CCDC152: variants seen among roughly 807,000 people sequenced by gnomAD.
CCDC152 encodes coiled-coil domain-containing protein 152.
Under a neutral mutation model 38.1 loss-of-function variants are expected in CCDC152, and 37 were observed. That is an observed-to-expected ratio of 0.97 (90% CI 0.75 to 1.28). The LOEUF is 1.28. Ranked by LOEUF, CCDC152 falls within the 50% of genes most tolerant of loss-of-function variation. The pLI is 0.00. For missense variants in CCDC152, 259 were observed against 292.1 expected, an observed-to-expected ratio of 0.89 and a Z score of 0.83; for synonymous variants, 83 against 87.1, an observed-to-expected ratio of 0.95 and a Z score of 0.26.
chr5:42,785,575 G>A lies in CCDC152; in HGVS notation c.430+1999G>A, dbSNP rs138281515. Among the ~76,000 whole-genome samples the A allele has an allele frequency of 2.5e-3, 377 of 152,086 alleles. 5 individuals are homozygous for A. Among genetic ancestry groups the A allele is most frequent in the South Asian group, 3.1e-3 (15 of 4,818 alleles). On this transcript the variant is annotated intron_variant, in intron 6 of 8. Transcript: ENST00000361970. ...GTAGAATCATATTATCAGCAAACAG[G>A]TAAAATTGGACTTCCCCTTTTCCAA...
chr5:42,782,414 T>TA (rs1191219428), intron 5 of CCDC152, among the ~76,000 whole-genome samples: 1 of 152,260 alleles, frequency 6.6e-6, no homozygotes, highest in East Asian at 1.9e-4. Flanking sequence ...AAAGCAAAGA[T>TA]AAAAAAAGAC....
At chr5:42,770,605 G>A (rs1166747972) in intron 4 of CCDC152, among the ~76,000 whole-genome samples, 1 of 151,998 alleles carries the variant, frequency 6.6e-6, no homozygotes, top group Non-Finnish European at 1.5e-5. Context: ...ACTCAAGATT[G>A]CTTGGGCTAT....
chr5:42,770,760 T>C (rs1323694516), intron 4 of CCDC152, among the ~76,000 whole-genome samples: 1 of 152,122 alleles, frequency 6.6e-6, no homozygotes, highest in East Asian at 1.9e-4. Context: ...TCTTCTAATC[T>C]ATTTATCTGT....
At chr5:42,774,893 A>G (rs1441983040) in intron 4 of CCDC152, among the ~76,000 whole-genome samples, 2 of 152,190 alleles carry the variant, frequency 1.3e-5, no homozygotes, top group East Asian at 1.9e-4. Context: ...ACAGTGTAAC[A>G]CAAATGAAGA....
At chr5:42,771,616 G>C (rs1252417643) in intron 4 of CCDC152, among the ~76,000 whole-genome samples, 1 of 151,850 alleles carries the variant, frequency 6.6e-6, no homozygotes, top group Non-Finnish European at 1.5e-5. Context: ...GGCGTGAGGA[G>C]GATAATAAGG....
At chr5:42,760,960 A>G (rs1189941821) in intron 2 of CCDC152, among the ~76,000 whole-genome samples, 1 of 152,190 alleles carries the variant, frequency 6.6e-6, no homozygotes, top group Admixed American at 6.5e-5. Flanking sequence ...TGAGGTGATG[A>G]TGGTATTGTG....
At chr5:42,786,169 A>G (rs993576934) in intron 6 of CCDC152, among the ~76,000 whole-genome samples, 3 of 152,040 alleles carry the variant, frequency 2.0e-5, no homozygotes, top group Non-Finnish European at 2.9e-5. Flanking sequence ...ATTTTTTGGA[A>G]TAGTTTCAGT....
At chr5:42,758,360 T>A (rs1759508534) in intron 1 of CCDC152, among the ~76,000 whole-genome samples, 1 of 152,224 alleles carries the variant, frequency 6.6e-6, no homozygotes, top group Non-Finnish European at 1.5e-5. Flanking sequence ...GTTACCGCTT[T>A]CACACACCAT....
intron 4 of CCDC152, among the ~76,000 whole-genome samples, chr5:42,779,018 C>CTA (rs1759805346): frequency 6.6e-6 from 1 of 152,110 alleles, no homozygotes; most frequent in Admixed American, 6.5e-5. Flanking sequence ...TTTTTCCAAG[C>CTA]TATATTCACT....
rs147228173 is a variant in CCDC152, at chr5:42,763,194, C to A, written c.193+646C>A. Among the ~76,000 whole-genome samples, 1,187 of 152,188 alleles carry A rather than the reference C, an allele frequency of 7.8e-3. 17 individuals are homozygous for A. Among genetic ancestry groups the A allele is most frequent in the African/African-American group, 0.026 (1,076 of 41,514 alleles). On this transcript the variant is annotated intron_variant, in intron 3 of 8. Transcript: ENST00000361970. ...GAAAAAACAAACAAACAAAAAGCAC[C>A]CCACAGTGATGGGAGTATGTTGAAA...
At position 42,799,807 on chromosome 5, in the gene CCDC152, T is replaced by C. The variant is rs1289597906; in HGVS notation, c.*26T>C. On this transcript the variant is annotated 3_prime_UTR_variant, in exon 9 of 9. Coordinates refer to ENST00000361970, the MANE Select transcript of CCDC152 (RefSeq NM_001134848.2). ...GCTTAGCAGTAAATTCATTAGTTGG[T>C]ATTTATTTAAAAGCAATCGAAAGTT... 6.5e-7 allele frequency: 1 copy of C among 1,546,526 alleles called. No individual in the cohort carries two copies. The highest frequency in any genetic ancestry group is 8.7e-7 in the Non-Finnish European group (1 of 1,145,642).
intron 2 of CCDC152, among the ~76,000 whole-genome samples, chr5:42,759,756 A>G (rs1411528616): frequency 1.3e-5 from 2 of 152,172 alleles, no homozygotes; most frequent in Admixed American, 6.5e-5. Context: ...AGTACAGTAC[A>G]ATAAGATAAT....
chr5:42,783,631 G>A (rs1759877972), intron 6 of CCDC152, 55 bp downstream of exon 6: 1 of 882,832 alleles, frequency 1.1e-6, no homozygotes, highest in Non-Finnish European at 1.5e-6. Context: ...TATAATGTGT[G>A]GGTTTGTTAC....
intron 4 of CCDC152, among the ~76,000 whole-genome samples, chr5:42,770,773 CTTCT>C (rs1162933859): frequency 6.6e-6 from 1 of 151,882 alleles, no homozygotes; most frequent in Non-Finnish European, 1.5e-5. Flanking sequence ...TTATCTGTGT[CTTCT>C]TTCATTTCCT....
chr5:42,798,222 T>C (rs577061026), intron 7 of CCDC152, among the ~76,000 whole-genome samples: 1 of 152,298 alleles, frequency 6.6e-6, no homozygotes, highest in East Asian at 1.9e-4. Context: ...GACAAAATAT[T>C]TGTCCTTTAA....
chr5:42,766,748 A>AC (rs1180408226), intron 3 of CCDC152, among the ~76,000 whole-genome samples: 1 of 152,046 alleles, frequency 6.6e-6, no homozygotes, highest in African/African-American at 2.4e-5. Flanking sequence ...AAGGATGGTT[A>AC]CCAGAGGCTG....
intron 1 of CCDC152, among the ~76,000 whole-genome samples, chr5:42,757,512 C>A (rs980703756): frequency 5.3e-5 from 8 of 152,146 alleles, no homozygotes; most frequent in African/African-American, 1.9e-4. Flanking sequence ...TGAAGCTGAG[C>A]CTTGAAGGTC....
At chr5:42,767,838 C>T (rs1366468057) in intron 3 of CCDC152, among the ~76,000 whole-genome samples, 1 of 152,206 alleles carries the variant, frequency 6.6e-6, no homozygotes, top group Non-Finnish European at 1.5e-5. Flanking sequence ...GGCACAAAGA[C>T]AAGTGATGGC....
intron 3 of CCDC152, among the ~76,000 whole-genome samples, chr5:42,766,952 G>A (rs567692156): frequency 6.6e-6 from 1 of 152,042 alleles, no homozygotes. Flanking sequence ...TGCTTGAGGG[G>A]ATAGATACGC....
Sources: gnomAD v4.1 joint callset for allele counts (sites outside exome capture counted in the v4.1 genomes callset) on GRCh38, gnomAD v4.1.1 for gene constraint, MANE v1.5 for transcripts, NCBI Gene and HGNC (gene_info 2026-07-23, HGNC 2026-07-21) for gene names.